Variants in HOOK1 observed in about 807,000 individuals in gnomAD.
HOOK1 encodes the protein protein Hook homolog 1.
In HOOK1, 60 loss-of-function variants were observed where a neutral mutation model predicts 112.8. The observed-to-expected ratio is 0.53, with a 90% CI of 0.43 to 0.66. The LOEUF (loss-of-function observed/expected upper bound fraction) is 0.66, where lower values mean the gene tolerates loss of function less well. Ranked by LOEUF, HOOK1 falls within the 30% of genes least tolerant of loss-of-function variation. HOOK1 has a pLI of 0.00. For synonymous variants in HOOK1, 294 were observed against 283.8 expected, an observed-to-expected ratio of 1.04 and a Z score of -0.36; for missense variants, 770 against 856.0, an observed-to-expected ratio of 0.90 and a Z score of 1.25.
intron 12 of HOOK1, among the ~76,000 whole-genome samples, chr1:59,851,659 C>T (rs1209399552): frequency 6.6e-6 from 1 of 151,408 alleles, no homozygotes; most frequent in Admixed American, 6.6e-5. Context: ...ATTTTTCTTG[C>T]TAAGTTGTAC....
chr1:59,860,011 CTT>C (rs1173633293), intron 14 of HOOK1, among the ~76,000 whole-genome samples, 175 bp from the exon 15 acceptor site: 2 of 151,942 alleles, frequency 1.3e-5, no homozygotes, highest in African/African-American at 2.4e-5. Flanking sequence ...TTCTTAAACA[CTT>C]TCAGAAGCTT....
Position 59,835,421 on chromosome 1 carries a change from T to G in HOOK1, c.474+9T>G. The stretch of plus-strand genomic sequence containing the variant: ...TGACTGCTATTCAAGAGGTAAGTTA[T>G]ATCATGTTCCTATGAGTATAAAAAT... On this transcript the variant is annotated intron_variant, in intron 6 of 21. Coordinates refer to ENST00000371208, the MANE Select transcript of HOOK1 (RefSeq NM_015888.6). 6.7e-7 allele frequency: 1 copy of G among 1,496,790 alleles called. No homozygotes were observed. The highest frequency in any genetic ancestry group is 1.1e-5 in the South Asian group (1 of 87,140). 92.7% of individuals were successfully genotyped at this position (1,496,790 alleles called of 1,614,324 possible).
intron 12 of HOOK1, among the ~76,000 whole-genome samples, chr1:59,856,220 C>T (rs2098410696): frequency 6.7e-6 from 1 of 149,802 alleles, no homozygotes. Context: ...ACTGGGATTC[C>T]AGGCATGAGC....
chr1:59,828,723 A>AT, intron 2 of HOOK1, 57 bp from the exon 3 acceptor site: 1 of 1,495,520 alleles, frequency 6.7e-7, no homozygotes, highest in Non-Finnish European at 9.2e-7. Flanking sequence ...GCTCTATTTA[A>AT]TTTTTTGTGT....
intron 2 of HOOK1, among the ~76,000 whole-genome samples, chr1:59,825,483 A>G (rs994680819): frequency 6.6e-6 from 1 of 152,234 alleles, no homozygotes; most frequent in African/African-American, 2.4e-5. Flanking sequence ...ATTTAACATG[A>G]TAAACCATGA....
intron 9 of HOOK1, among the ~76,000 whole-genome samples, chr1:59,846,688 A>G (rs528421842): frequency 2.6e-4 from 38 of 148,750 alleles, no homozygotes; most frequent in African/African-American, 7.9e-4. Context: ...TTGTCCCCCA[A>G]ATTTGATTGC....
chr1:59,815,626 A>T lies in HOOK1; in HGVS notation c.63+446A>T, dbSNP rs568149418. ...AAACCTAACCCTGCATCCTCAAACTACCTTGCTCTACCTGGACACAGGTGG... is the reference window on the plus strand; with the variant it reads ...AAACCTAACCCTGCATCCTCAAACTTCCTTGCTCTACCTGGACACAGGTGG... On this transcript the variant is annotated intron_variant, in intron 1 of 21. Coordinates refer to ENST00000371208, the MANE Select transcript of HOOK1 (RefSeq NM_015888.6). Among the ~76,000 whole-genome samples, 25 of 151,568 alleles carry T rather than the reference A, an allele frequency of 1.6e-4. 1 individual carries two copies. The East Asian group carries it at 4.1e-3, about 25-fold the overall frequency.
chr1:59,864,696 A>G (rs1417720932), intron 17 of HOOK1, 30 bp downstream of exon 17: 1 of 1,364,718 alleles, frequency 7.3e-7, no homozygotes, highest in Non-Finnish European at 1.0e-6. Flanking sequence ...CTTTTCAAAT[A>G]TGAGAAGGGA....
In HOOK1 at chr1:59,832,231, CT is replaced by C; in HGVS notation, c.273+21del. The C allele has an allele frequency of 2.7e-6, 4 of 1,505,504 alleles. No individual in the cohort carries two copies. The highest frequency in any genetic ancestry group is 3.6e-6 in the Non-Finnish European group (4 of 1,104,034). 93.3% of individuals were successfully genotyped at this position (1,505,504 alleles called of 1,614,324 possible). A position where few individuals can be genotyped will look rare whatever the true frequency, so the allele number is the denominator to read the frequency against. On this transcript the variant is annotated intron_variant, in intron 4 of 21. Transcript: ENST00000371208. ...ATCATGAGGTATGAAAACCATCTGACTTTGTTTAAATGCATCATGCTATACG... is the reference window on the plus strand; with the variant it reads ...ATCATGAGGTATGAAAACCATCTGACTTGTTTAAATGCATCATGCTATACG...
Position 59,843,501 on chromosome 1 carries a change from C to T in HOOK1, c.691C>T (p.Gln231Ter). The T allele has an allele frequency of 1.2e-6, 2 of 1,610,014 alleles. No homozygotes were observed. The highest frequency in any genetic ancestry group is 1.7e-6 in the Non-Finnish European group (2 of 1,177,836). ...ENEMMNEKLD[Q>*]LDGSFDDPNT... ...TGAGATGATGAATGAAAAACTTGACCAGTTGGATGGCTCTTTTGATGATCC... is the reference window on the plus strand; with the variant it reads ...TGAGATGATGAATGAAAAACTTGACTAGTTGGATGGCTCTTTTGATGATCC... The change falls in exon 9 of 22, where the codon CAG (glutamine) becomes TAG (stop). Residue 231 changes from glutamine to a stop codon, truncating the protein, a stop_gained. Coordinates refer to ENST00000371208, the MANE Select transcript of HOOK1 (RefSeq NM_015888.6). LOFTEE classifies it high-confidence loss of function.
At chr1:59,866,103 T>C in intron 19 of HOOK1, 131 bp downstream of exon 19, 1 of 608,996 alleles carries the variant, frequency 1.6e-6, no homozygotes, top group East Asian at 3.2e-5. Context: ...GCCTTACCTG[T>C]CAGGTTTCCG....
At chr1:59,870,748 A>C in intron 20 of HOOK1, 1 of 210,714 alleles carries the variant, frequency 4.7e-6, no homozygotes, top group Middle Eastern at 1.7e-3. Context: ...TTTTTTCTCT[A>C]GATATGGTGG....
chr1:59,822,277 C>T (rs2098386242), intron 2 of HOOK1, among the ~76,000 whole-genome samples: 1 of 152,070 alleles, frequency 6.6e-6, no homozygotes, highest in South Asian at 2.1e-4. Flanking sequence ...ATGGTGTTTT[C>T]TTTGGTTGTA....
Position 59,865,909 on chromosome 1 carries a change from G to C in HOOK1, c.1782G>C (p.Lys594Asn). The C allele has an allele frequency of 6.3e-7, 1 of 1,594,410 alleles. No individual in the cohort carries two copies. The highest frequency in any genetic ancestry group is 8.5e-7 in the Non-Finnish European group (1 of 1,170,370). The part of the protein sequence containing the change: ...KINELEAALQ[K>N]KDEDMKAMEE... ...ATGAACTTGAAGCTGCTCTTCAGAA[G>C]AAAGATGAAGATATGAAAGCAATGG... The change falls in exon 19 of 22, where the codon AAG (lysine) becomes AAC (asparagine). Residue 594 changes from lysine (K) to asparagine (N), a missense_variant. This residue lies in a region of HOOK1 where 655 missense variants were observed against 725.9 expected (regional missense o/e 0.90). Transcript: ENST00000371208.
intron 14 of HOOK1, among the ~76,000 whole-genome samples, chr1:59,859,959 T>G (rs1269471217): frequency 6.6e-6 from 1 of 152,112 alleles, no homozygotes; most frequent in East Asian, 1.9e-4. Context: ...AAAATTTGAC[T>G]GCTTTTTTTT....
chr1:59,855,974 A>T (rs1450081699), intron 12 of HOOK1, among the ~76,000 whole-genome samples: 22 of 67,616 alleles, frequency 3.3e-4, no homozygotes, highest in Non-Finnish European at 4.3e-4. Context: ...TATTATATAT[A>T]TATATATATA....
chr1:59,876,211 CT>C lies in HOOK1; in HGVS notation c.*3249del. 6.6e-6 allele frequency: 1 copy of C among 152,626 alleles called. No individual in the cohort carries two copies. Among genetic ancestry groups the C allele is most frequent in the African/African-American group, 2.4e-5 (1 of 41,506 alleles). 9.5% of individuals were successfully genotyped at this position (152,626 alleles called of 1,614,324 possible). On this transcript the variant is annotated 3_prime_UTR_variant, in exon 22 of 22. Transcript: ENST00000371208. ...TGTAATGTTTAGCTTATAAAAGGTCCTTTCTATTTTCTATGGCAAAGACTTT... is the reference window on the plus strand; with the variant it reads ...TGTAATGTTTAGCTTATAAAAGGTCCTTCTATTTTCTATGGCAAAGACTTT...
At position 59,858,516 on chromosome 1, in the gene HOOK1, G is replaced by T; in HGVS notation, c.1330+1G>T. ...CAACAGGACCACCTAAACCAAACAG[G>T]TTAATTTTGTTAGATTTAGAAAAGT... On this transcript the variant is annotated splice_donor_variant, in intron 13 of 21. Coordinates refer to ENST00000371208, the MANE Select transcript of HOOK1 (RefSeq NM_015888.6). LOFTEE classifies it high-confidence loss of function. The T allele has an allele frequency of 6.3e-7, 1 of 1,596,866 alleles. No individual in the cohort carries two copies.
At chr1:59,838,234 G>T (rs1384109633) in intron 7 of HOOK1, among the ~76,000 whole-genome samples, 1 of 152,144 alleles carries the variant, frequency 6.6e-6, no homozygotes, top group Non-Finnish European at 1.5e-5. Context: ...TGGGTCAAAT[G>T]GTATTTCTAG....
Sources: gnomAD v4.1 joint callset for allele counts (sites outside exome capture counted in the v4.1 genomes callset) on GRCh38, gnomAD v4.1.1 for gene constraint, gnomAD v4.1.1 regional missense constraint, MANE v1.5 for transcripts, NCBI Gene and HGNC (gene_info 2026-07-23, HGNC 2026-07-21) for gene names.